Variants in AKT3 observed in about 807,000 individuals in gnomAD.
AKT3 encodes the protein RAC-gamma serine/threonine-protein kinase.
Under a neutral mutation model 65.3 loss-of-function variants are expected in AKT3, and 15 were observed. The observed-to-expected ratio is 0.23, with a 90% confidence interval of 0.15 to 0.35. AKT3 has a LOEUF of 0.35. Among genes scored for constraint, AKT3 ranks in the 10% least tolerant of loss-of-function variants. AKT3 has a pLI of 1.00. For synonymous variants in AKT3, 206 were observed against 183.8 expected (o/e 1.12, Z -0.98); for missense variants, 243 against 576.5 (o/e 0.42, Z 5.92).
At chr1:243,719,363 A>G (rs1378356979) in intron 2 of AKT3, among the ~76,000 whole-genome samples, 2 of 152,072 alleles carry the variant, frequency 1.3e-5, no homozygotes, top group Non-Finnish European at 2.9e-5. Context: ...AAATTGTTCT[A>G]TCTTTTATTC....
intron 2 of AKT3, among the ~76,000 whole-genome samples, chr1:243,806,240 G>C (rs1572381685): frequency 6.6e-6 from 1 of 152,044 alleles, no homozygotes; most frequent in African/African-American, 2.4e-5. Flanking sequence ...ATGATTTTAG[G>C]TTGCTATGTT....
Position 243,731,472 on chromosome 1 carries a change from T to A in AKT3, c.47-35756A>T, listed in dbSNP as rs77793614. 8.9e-3 allele frequency among the ~76,000 whole-genome samples: 1,356 copies of A among 152,264 alleles called. 15 individuals are homozygous for A. Among genetic ancestry groups the A allele is most frequent in the African/African-American group, 0.031 (1,285 of 41,550 alleles). ...ACAGTAACTAGGATAAGCCAAGGCG[T>A]CCTCTACACACATAGTGAGGCCAGC... On this transcript the variant is annotated intron_variant, in intron 2 of 13. Coordinates refer to ENST00000673466, the MANE Select transcript of AKT3 (RefSeq NM_005465.7).
intron 3 of AKT3, 110 bp from the exon 4 acceptor site, chr1:243,664,993 G>T: frequency 2.3e-6 from 1 of 443,488 alleles, no homozygotes; most frequent in South Asian, 4.9e-5. Flanking sequence ...CGAACTCACA[G>T]CTTTCTATGG....
At chr1:243,629,476 CTGGGTCCCCAAAATAAGTAGA>C (rs1679435364) in intron 6 of AKT3, among the ~76,000 whole-genome samples, 2 of 151,898 alleles carry the variant, frequency 1.3e-5, no homozygotes, top group Non-Finnish European at 2.9e-5. Flanking sequence ...AGGTGGCTAT[CTGGGTCCCCAAAATAAGTAGA>C]TATGGGAGAT....
intron 2 of AKT3, among the ~76,000 whole-genome samples, chr1:243,757,295 AGC>A (rs1276902378): frequency 2.0e-5 from 3 of 152,218 alleles, no homozygotes; most frequent in Non-Finnish European, 2.9e-5. Context: ...ACAGTAAAGG[AGC>A]ATCTCACTCT....
At chr1:243,795,462 G>GTTTTTTTTTTGTTTTTTTTTTTTTT (rs1691913404) in intron 2 of AKT3, among the ~76,000 whole-genome samples, 1 of 105,402 alleles carries the variant, frequency 9.5e-6, no homozygotes, top group Non-Finnish European at 1.9e-5. Context: ...TTTTTTTTTT[G>GTTTTTTTTTTGTTTTTTTTTTTTTT]TTTTTTTTTT....
intron 2 of AKT3, among the ~76,000 whole-genome samples, chr1:243,709,271 A>C (rs1439215252): frequency 6.6e-6 from 1 of 151,144 alleles, no homozygotes; most frequent in Non-Finnish European, 1.5e-5. Flanking sequence ...AAAAAAAAAA[A>C]CAAAACCTAG....
chr1:243,777,251 C>A (rs1312725265), intron 2 of AKT3, among the ~76,000 whole-genome samples: 4 of 152,268 alleles, frequency 2.6e-5, no homozygotes, highest in Admixed American at 2.6e-4. Flanking sequence ...AGATCTGTCA[C>A]GTGCACAGTT....
intron 13 of AKT3, among the ~76,000 whole-genome samples, chr1:243,489,645 G>A (rs1279296065): frequency 1.3e-5 from 2 of 152,188 alleles, no homozygotes; most frequent in Non-Finnish European, 2.9e-5. Flanking sequence ...CAGAGCACCC[G>A]GCAGTGTTAC....
At chr1:243,763,648 G>C (rs1427759328) in intron 2 of AKT3, among the ~76,000 whole-genome samples, 1 of 151,946 alleles carries the variant, frequency 6.6e-6, no homozygotes, top group East Asian at 1.9e-4. Flanking sequence ...TTAGAACAAT[G>C]TCAAAAAAGT....
chr1:243,654,749 G>A (rs975684609), intron 4 of AKT3, among the ~76,000 whole-genome samples: 2 of 151,786 alleles, frequency 1.3e-5, no homozygotes, highest in African/African-American at 2.4e-5. Flanking sequence ...TCCATTATTT[G>A]GGAACATTAT....
chr1:243,809,440 C>T (rs1692978218), intron 2 of AKT3, among the ~76,000 whole-genome samples: 1 of 152,112 alleles, frequency 6.6e-6, no homozygotes, highest in South Asian at 2.1e-4. Context: ...CAAACAAGGC[C>T]ATTACATAAT....
At chr1:243,766,182 T>C (rs891754694) in intron 2 of AKT3, among the ~76,000 whole-genome samples, 1 of 152,178 alleles carries the variant, frequency 6.6e-6, no homozygotes, top group African/African-American at 2.4e-5. Flanking sequence ...GGCTTAAGGT[T>C]TGTAATCACT....
intron 8 of AKT3, among the ~76,000 whole-genome samples, chr1:243,593,060 A>G (rs1430705946): frequency 6.6e-6 from 1 of 152,174 alleles, no homozygotes; most frequent in Non-Finnish European, 1.5e-5. Flanking sequence ...CCACAATAAA[A>G]ACTGGAGCTC....
chr1:243,813,369 T>C (rs1693306171), intron 2 of AKT3, among the ~76,000 whole-genome samples: 1 of 151,882 alleles, frequency 6.6e-6, no homozygotes, highest in South Asian at 2.1e-4. Flanking sequence ...AAAATTAGAA[T>C]CAAAATTGGG....
At chr1:243,659,683 T>C (rs1011275197) in intron 4 of AKT3, among the ~76,000 whole-genome samples, 10 of 152,100 alleles carry the variant, frequency 6.6e-5, no homozygotes, top group African/African-American at 2.2e-4. Context: ...GGGCTCGCCA[T>C]TGAGAAAAAA....
chr1:243,658,590 C>T (rs1682002520), intron 4 of AKT3, among the ~76,000 whole-genome samples: 1 of 152,086 alleles, frequency 6.6e-6, no homozygotes, highest in South Asian at 2.1e-4. Flanking sequence ...AGTAGAACTA[C>T]CAAATGAACC....
intron 2 of AKT3, among the ~76,000 whole-genome samples, chr1:243,709,740 T>G (rs1324168148): frequency 6.6e-6 from 1 of 151,978 alleles, no homozygotes; most frequent in African/African-American, 2.4e-5. Context: ...ATAATAAATA[T>G]ATATACTTAC....
intron 2 of AKT3, among the ~76,000 whole-genome samples, chr1:243,725,748 A>C: frequency 6.6e-6 from 1 of 152,218 alleles, no homozygotes; most frequent in East Asian, 1.9e-4. Context: ...TGCCAAAAAA[A>C]ATTAGTGAAA....
Sources: allele counts gnomAD v4.1 joint callset (sites outside exome capture counted in the v4.1 genomes callset), GRCh38; gene constraint gnomAD v4.1.1; transcripts MANE v1.5; gene names NCBI Gene and HGNC (gene_info 2026-07-23, HGNC 2026-07-21).